Variants in PEPD observed in about 807,000 individuals in gnomAD.
PEPD encodes peptidase D, also known as xaa-Pro dipeptidase.
Under a neutral mutation model 60.7 loss-of-function variants are expected in PEPD, and 53 were observed. The observed-to-expected ratio is 0.87, with a 90% confidence interval of 0.70 to 1.10. The LOEUF (loss-of-function observed/expected upper bound fraction) is 1.10, where lower values mean the gene tolerates loss of function less well. PEPD is among the 50% of genes least tolerant of loss of function. The probability of loss-of-function intolerance (pLI) is 0.00; values close to 1 mark genes in which losing one functional copy is unlikely to be tolerated. For missense variants in PEPD, 711 were observed against 711.9 expected (o/e 1.00, Z 0.01); for synonymous variants, 267 against 284.1 (o/e 0.94, Z 0.60).
At chr19:33,485,219 C>T (rs1394117361) in intron 6 of PEPD, among the ~76,000 whole-genome samples, 3 of 151,966 alleles carry the variant, frequency 2.0e-5, no homozygotes, top group Non-Finnish European at 2.9e-5. Context: ...CCTGGCTGGG[C>T]GCGCTGACTC....
chr19:33,507,248 G>A (rs1036208987), intron 3 of PEPD, among the ~76,000 whole-genome samples: 3 of 152,128 alleles, frequency 2.0e-5, no homozygotes, highest in African/African-American at 4.8e-5. Flanking sequence ...TCTGGGCTCC[G>A]AAGCTGCCTG....
chr19:33,465,693 C>G (rs2145276566), intron 7 of PEPD, among the ~76,000 whole-genome samples: 1 of 152,276 alleles, frequency 6.6e-6, no homozygotes, highest in African/African-American at 2.4e-5. Context: ...CCATGGAACC[C>G]AACCTAGAAC....
At chr19:33,461,918 TA>T in intron 9 of PEPD, among the ~76,000 whole-genome samples, 1 of 152,238 alleles carries the variant, frequency 6.6e-6, no homozygotes, top group Non-Finnish European at 1.5e-5. Flanking sequence ...CAGGCCATTT[TA>T]ACCTCCTCCT....
At chr19:33,434,705 G>T (rs917284535) in intron 9 of PEPD, among the ~76,000 whole-genome samples, 21 of 152,176 alleles carry the variant, frequency 1.4e-4, no homozygotes, top group African/African-American at 4.1e-4. Context: ...TGGGTGGGGA[G>T]AAAGCTGCCA....
At chr19:33,425,894 C>CA (rs1969136931) in intron 9 of PEPD, among the ~76,000 whole-genome samples, 1 of 152,190 alleles carries the variant, frequency 6.6e-6, no homozygotes, top group Non-Finnish European at 1.5e-5. Flanking sequence ...ATGGCAGCCT[C>CA]AAACTCCTGG....
In PEPD at chr19:33,511,077, T is replaced by C; in HGVS notation, c.280A>G (p.Thr94Ala). 1.2e-6 allele frequency: 2 copies of C among 1,613,792 alleles called. No individual in the cohort carries two copies. The highest frequency in any genetic ancestry group is 1.7e-4 in the Middle Eastern group (1 of 6,058). The change falls in exon 3 of 15, where the codon ACC (threonine) becomes GCC (alanine). Residue 94 changes from threonine (T) to alanine (A), a missense_variant. Thr to Ala is a moderately conservative substitution (Grantham distance 58, BLOSUM62 0). Coordinates refer to ENST00000244137, the MANE Select transcript of PEPD (RefSeq NM_000285.4). ...GCAGGAAGCCTGGGCACAAACAGGG[T>C]CGACTTCCCAGTGTCAACATCGATG... is the stretch of plus-strand genomic sequence containing the variant. Reference protein sequence around the residue: ...GVIDVDTGKSTLFVPRLPASH... With the variant: ...GVIDVDTGKSALFVPRLPASH...
At chr19:33,468,448 G>A (rs983815077) in intron 7 of PEPD, among the ~76,000 whole-genome samples, 4 of 152,138 alleles carry the variant, frequency 2.6e-5, no homozygotes, top group African/African-American at 7.2e-5. Context: ...CCTCCTCCTC[G>A]GCCTGGCCAA....
intron 9 of PEPD, among the ~76,000 whole-genome samples, chr19:33,456,820 C>T (rs7256583): frequency 0.42 from 63,706 of 151,642 alleles, 14,237 homozygotes; most frequent in African/African-American, 0.58. Context: ...GGCAGTCTCA[C>T]TGATGCCCAC....
chr19:33,457,803 C>T (rs1417978141), intron 9 of PEPD, among the ~76,000 whole-genome samples: 3 of 152,230 alleles, frequency 2.0e-5, no homozygotes, highest in Admixed American at 2.0e-4. Flanking sequence ...AGCCACCACA[C>T]CCAACACCCA....
At chr19:33,421,828 A>G (rs928035146) in intron 9 of PEPD, among the ~76,000 whole-genome samples, 1 of 151,974 alleles carries the variant, frequency 6.6e-6, no homozygotes, top group African/African-American at 2.4e-5. Context: ...CTATGTCCAG[A>G]ATCTGACCAC....
intron 9 of PEPD, among the ~76,000 whole-genome samples, chr19:33,452,727 T>C (rs555086837): frequency 3.3e-5 from 5 of 152,218 alleles, no homozygotes; most frequent in Non-Finnish European, 5.9e-5. Flanking sequence ...GAAAACATAC[T>C]TACTGACTCT....
intron 9 of PEPD, among the ~76,000 whole-genome samples, chr19:33,437,516 C>T (rs1470019590): frequency 6.6e-6 from 1 of 151,964 alleles, no homozygotes; most frequent in Non-Finnish European, 1.5e-5. Context: ...GACAGCACTC[C>T]AGAATCAGAC....
rs545516405 is a variant in PEPD, at chr19:33,511,264, T to C, written c.202-109A>G. 3.4e-4 allele frequency: 372 copies of C among 1,107,680 alleles called. 5 individuals are homozygous for C. The highest frequency in any genetic ancestry group is 3.0e-3 in the South Asian group (234 of 77,200). 68.6% of individuals were successfully genotyped at this position (1,107,680 alleles called of 1,614,324 possible). Reference sequence around the variant, plus strand: ...GAGCCAGCTCAGACCGACAGCCTCCTGTAACTGACCCCAGCCCCAGACATC... The same window carrying C: ...GAGCCAGCTCAGACCGACAGCCTCCCGTAACTGACCCCAGCCCCAGACATC... On this transcript the variant is annotated intron_variant, in intron 2 of 14. Coordinates refer to ENST00000244137, the MANE Select transcript of PEPD (RefSeq NM_000285.4).
chr19:33,441,518 C>A (rs62100662), intron 9 of PEPD, among the ~76,000 whole-genome samples: 1 of 152,196 alleles, frequency 6.6e-6, no homozygotes, highest in Non-Finnish European at 1.5e-5. Flanking sequence ...AGGCTGAATC[C>A]CTGGAGGGCT....
rs150720030 is a variant in PEPD at position 33,410,410 on chromosome 19, C to T, written c.818+1262G>A. ...CAAATACTCGGCCCTGACAGCTCAA[C>T]GCTCGGCAGCTCTCTGGGCAGCTGG... On this transcript the variant is annotated intron_variant, in intron 11 of 14. Coordinates refer to ENST00000244137, the MANE Select transcript of PEPD (RefSeq NM_000285.4). Among the ~76,000 whole-genome samples, 11 of 152,290 alleles carry T rather than the reference C, an allele frequency of 7.2e-5. No homozygotes were observed. The East Asian group carries it at 1.4e-3, about 19-fold the overall frequency.
At chr19:33,498,578 C>T (rs1032235554) in intron 4 of PEPD, among the ~76,000 whole-genome samples, 1 of 152,318 alleles carries the variant, frequency 6.6e-6, no homozygotes, top group Middle Eastern at 3.4e-3. Flanking sequence ...AGGCAGGTGC[C>T]GGTCCCACCA....
At chr19:33,458,068 T>C (rs1382377314) in intron 9 of PEPD, among the ~76,000 whole-genome samples, 1 of 151,972 alleles carries the variant, frequency 6.6e-6, no homozygotes, top group Admixed American at 6.6e-5. Flanking sequence ...GTGGCGTGTG[T>C]ATGGTGTGTA....
At chr19:33,440,400 G>C (rs1969460319) in intron 9 of PEPD, among the ~76,000 whole-genome samples, 1 of 152,068 alleles carries the variant, frequency 6.6e-6, no homozygotes, top group South Asian at 2.1e-4. Flanking sequence ...CAGGGCTACA[G>C]GAGCCTCCTC....
chr19:33,458,313 G>T (rs997907194), intron 9 of PEPD, among the ~76,000 whole-genome samples: 12 of 151,096 alleles, frequency 7.9e-5, no homozygotes, highest in African/African-American at 2.9e-4. Context: ...GGTGCATGTG[G>T]CATGCGATGT....
Sources: gnomAD v4.1 joint callset for allele counts (sites outside exome capture counted in the v4.1 genomes callset) on GRCh38, gnomAD v4.1.1 for gene constraint, MANE v1.5 for transcripts, NCBI Gene and HGNC (gene_info 2026-07-23, HGNC 2026-07-21) for gene names.